The following USP20 variants were observed in gnomAD, a reference collection of about 807,000 sequenced individuals.
USP20 encodes the protein ubiquitin specific peptidase 20, also known as ubiquitin carboxyl-terminal hydrolase 20.
In USP20, 80 loss-of-function variants were observed where a neutral mutation model predicts 124.2. That is an observed-to-expected ratio of 0.64 (90% CI 0.54 to 0.78). The LOEUF (loss-of-function observed/expected upper bound fraction) is 0.78, where lower values mean the gene tolerates loss of function less well. Ranked by LOEUF, USP20 falls within the 30% of genes least tolerant of loss-of-function variation. The pLI is 0.00. For synonymous variants in USP20, 481 were observed against 512.3 expected, an observed-to-expected ratio of 0.94 and a Z score of 0.83; for missense variants, 1,043 against 1,244.4, an observed-to-expected ratio of 0.84 and a Z score of 2.44.
At chr9:129,866,252 C>T (rs1190884670) in intron 10 of USP20, among the ~76,000 whole-genome samples, 1 of 152,176 alleles carries the variant, frequency 6.6e-6, no homozygotes, top group African/African-American at 2.4e-5. Context: ...CTGTCCCGTC[C>T]CAGGATGAAG....
intron 3 of USP20, among the ~76,000 whole-genome samples, chr9:129,853,099 C>CA (rs888480385): frequency 4.6e-5 from 7 of 152,146 alleles, no homozygotes; most frequent in African/African-American, 1.7e-4. Flanking sequence ...TGAAACAGGA[C>CA]AAAAAGATAA....
chr9:129,872,511 A>T (rs1348008066), intron 15 of USP20, among the ~76,000 whole-genome samples: 1 of 152,118 alleles, frequency 6.6e-6, no homozygotes, highest in Non-Finnish European at 1.5e-5. Context: ...CTGTCCTCCC[A>T]TCCTGTAGGG....
intron 9 of USP20, 127 bp downstream of exon 9, chr9:129,863,426 T>C (rs1046014437): frequency 7.2e-6 from 5 of 691,416 alleles, no homozygotes; most frequent in African/African-American, 7.2e-5. Flanking sequence ...TCCCGGGTAA[T>C]GCTTGCAGCA....
intron 1 of USP20, among the ~76,000 whole-genome samples, chr9:129,838,446 A>G (rs1428524482): frequency 1.3e-5 from 2 of 152,208 alleles, no homozygotes; most frequent in Non-Finnish European, 2.9e-5. Context: ...TCCATTGATT[A>G]TAAAGACTTA....
Position 129,852,574 on chromosome 9 carries a change from C to A in USP20, c.19C>A (p.Leu7Ile). ...GGCCAGGATGGGGGACTCCAGGGACCTTTGCCCTCACCTTGACTCCATAGG... is the reference window on the plus strand; with the variant it reads ...GGCCAGGATGGGGGACTCCAGGGACATTTGCCCTCACCTTGACTCCATAGG... The part of the protein sequence containing the change: MGDSRD[L>I]CPHLDSIGEV... Residue 7 changes from leucine (L) to isoleucine (I), a missense_variant, in exon 3 of 26, where the codon CTT becomes ATT. Transcript: ENST00000372429. 2.5e-6 allele frequency: 4 copies of A among 1,598,480 alleles called. No homozygotes were observed. Among genetic ancestry groups the A allele is most frequent in the South Asian group, 2.3e-5 (2 of 88,266 alleles).
intron 1 of USP20, among the ~76,000 whole-genome samples, chr9:129,846,417 C>G (rs1326209158): frequency 0.011 from 1,657 of 150,702 alleles, 34 homozygotes; most frequent in African/African-American, 0.038. Flanking sequence ...ACCACCATGC[C>G]CACCTAATTT....
At chr9:129,871,121 T>C (rs2034103149) in intron 15 of USP20, among the ~76,000 whole-genome samples, 1 of 152,118 alleles carries the variant, frequency 6.6e-6, no homozygotes, top group African/African-American at 2.4e-5. Flanking sequence ...TCCCCATTCA[T>C]CTCCAGAACT....
At position 129,849,533 on chromosome 9, in the gene USP20, G is replaced by A. The variant is rs1159299376; in HGVS notation, c.-128-280G>A. Among the ~76,000 whole-genome samples, 7 of 152,334 alleles carry A rather than the reference G, an allele frequency of 4.6e-5. No individual in the cohort carries two copies. The East Asian group carries it at 9.6e-4, about 21-fold the overall frequency. On this transcript the variant is annotated intron_variant, in intron 1 of 25. Coordinates refer to ENST00000372429, the MANE Select transcript of USP20 (RefSeq NM_001110303.4). ...CAGCACTTTGGAAGGCCTGAGGTGG[G>A]AGGACTACTTGAGCCCAGGAGTTCA...
chr9:129,868,557 G>C, intron 11 of USP20, 108 bp downstream of exon 11: 2 of 1,450,418 alleles, frequency 1.4e-6, no homozygotes, highest in Non-Finnish European at 1.8e-6. Flanking sequence ...TTCTTCACTA[G>C]ACCCGAATGA....
In USP20 at chr9:129,874,705, A is replaced by T; in HGVS notation, c.1870A>T (p.Ile624Phe). The change falls in exon 18 of 26, where the codon ATC becomes TTC. Residue 624 changes from isoleucine to phenylalanine, a missense_variant. Ile to Phe is a conservative substitution (Grantham distance 21). Coordinates refer to ENST00000372429, the MANE Select transcript of USP20 (RefSeq NM_001110303.4). ...CCTTGCCAAGGAGTGCACATCCCAG[A>T]TCACCACCTACGACCTCCTCTCGGT... ...PFLAKECTSQ[I>F]TTYDLLSVIC... 6.2e-7 allele frequency: 1 copy of T among 1,613,846 alleles called. No individual in the cohort carries two copies. Among genetic ancestry groups the T allele is most frequent in the Non-Finnish European group, 8.5e-7 (1 of 1,179,996 alleles).
intron 9 of USP20, among the ~76,000 whole-genome samples, chr9:129,864,495 T>G (rs1389244340): frequency 8.0e-6 from 1 of 125,786 alleles, no homozygotes; most frequent in African/African-American, 3.2e-5. Context: ...AAAAAAAAAG[T>G]CTGTGTGCAG....
At chr9:129,851,786 G>A (rs535267395) in intron 2 of USP20, among the ~76,000 whole-genome samples, 108 of 151,488 alleles carry the variant, frequency 7.1e-4, no homozygotes, top group Middle Eastern at 3.4e-3. Context: ...ACGTGTATCA[G>A]TTAGACAGAA....
intron 1 of USP20, among the ~76,000 whole-genome samples, chr9:129,843,967 T>G (rs1232220631): frequency 6.6e-6 from 1 of 151,540 alleles, no homozygotes; most frequent in Non-Finnish European, 1.5e-5. Context: ...CTTGGGGGGC[T>G]GAGGTAGGAG....
At chr9:129,852,955 G>C (rs529755129) in intron 3 of USP20, among the ~76,000 whole-genome samples, 15 of 152,192 alleles carry the variant, frequency 9.9e-5, no homozygotes, top group Non-Finnish European at 1.9e-4. Flanking sequence ...TTTTACACAG[G>C]TGGCTCCAGG....
chr9:129,873,362 G>A (rs1000581578), intron 15 of USP20, 120 bp from the exon 16 acceptor site: 11 of 1,269,266 alleles, frequency 8.7e-6, no homozygotes, highest in Admixed American at 5.2e-5. Flanking sequence ...AGGATTACAC[G>A]CATGAGCCAC....
In USP20 at chr9:129,869,658, C is replaced by T. The variant is rs201907293; in HGVS notation, c.1393-14C>T. ...GCCAGAGGATGGGCAGCAGACTGAC[C>T]TTCAACCCCACAGGTATCCACCACA... On this transcript the variant is annotated splice_polypyrimidine_tract_variant and intron_variant, in intron 13 of 25. Transcript: ENST00000372429. 1.9e-4 allele frequency: 299 copies of T among 1,613,552 alleles called. 3 individuals carry two copies. The East Asian group carries it at 6.6e-3, about 36-fold the overall frequency.
At chr9:129,842,130 ATCT>A (rs1375435861) in intron 1 of USP20, among the ~76,000 whole-genome samples, 2 of 152,074 alleles carry the variant, frequency 1.3e-5, no homozygotes, top group Non-Finnish European at 2.9e-5. Context: ...GGCTCACTTC[ATCT>A]TCTCAGTAAC....
At chr9:129,840,787 T>G (rs951173675) in intron 1 of USP20, among the ~76,000 whole-genome samples, 19 of 145,734 alleles carry the variant, frequency 1.3e-4, no homozygotes, top group Non-Finnish European at 2.6e-4. Context: ...TTTTTTTTTT[T>G]GAGATAGGGT....
chr9:129,848,614 C>T (rs191693746), intron 1 of USP20, among the ~76,000 whole-genome samples: 1 of 151,030 alleles, frequency 6.6e-6, no homozygotes, highest in Non-Finnish European at 1.5e-5. Context: ...GATCATGCCA[C>T]TGTACTCCAG....
Sources: gnomAD v4.1 joint callset for allele counts (sites outside exome capture counted in the v4.1 genomes callset) on GRCh38, gnomAD v4.1.1 for gene constraint, MANE v1.5 for transcripts, NCBI Gene and HGNC (gene_info 2026-07-23, HGNC 2026-07-21) for gene names.